The following MTSS2 variants were observed in gnomAD, a reference collection of about 807,000 sequenced individuals.
The protein encoded by MTSS2 is MTSS I-BAR domain containing 2.
A neutral mutation model predicts 67.1 loss-of-function variants in MTSS2; 27 were observed. That is an observed-to-expected ratio of 0.40 (90% confidence interval 0.30 to 0.55). MTSS2 has a LOEUF of 0.55. MTSS2 is among the 20% of genes least tolerant of loss of function. MTSS2 has a pLI of 0.43. For missense variants in MTSS2, 1,171 were observed against 1,067.8 expected, an observed-to-expected ratio of 1.10 and a Z score of -1.35; for synonymous variants, 624 against 468.6, an observed-to-expected ratio of 1.33 and a Z score of -4.28.
chr16:70,674,611 TG>T (rs2053056076), intron 10 of MTSS2, 83 bp from the exon 11 acceptor site: 9 of 1,253,220 alleles, frequency 7.2e-6, no homozygotes, highest in Admixed American at 2.0e-5. Context: ...CAAACGAGGG[TG>T]GGGAAAGAGG....
chr16:70,663,325 T>G lies in MTSS2; in HGVS notation c.*352A>C. On this transcript the variant is annotated 3_prime_UTR_variant, in exon 15 of 15. Coordinates refer to ENST00000338779, the MANE Select transcript of MTSS2 (RefSeq NM_138383.3). ...GGACCAGCCCTGGGAGAGGCCGGGA[T>G]GGTGAAAGGGAGGCCAGCCTGGCCC... The G allele has an allele frequency of 8.5e-5, 23 of 270,408 alleles. No homozygotes were observed. The highest frequency in any genetic ancestry group is 1.2e-3 in the Middle Eastern group (1 of 838). 16.8% of individuals were successfully genotyped at this position (270,408 alleles called of 1,614,324 possible).
intron 12 of MTSS2, 75 bp downstream of exon 12, chr16:70,665,391 A>G: frequency 6.9e-7 from 1 of 1,439,268 alleles, no homozygotes; most frequent in Non-Finnish European, 9.4e-7. Flanking sequence ...TTGTGCAGTA[A>G]TGGCACCAGG....
chr16:70,668,459 G>A (rs1044752348), intron 11 of MTSS2, among the ~76,000 whole-genome samples: 12 of 151,796 alleles, frequency 7.9e-5, no homozygotes, highest in African/African-American at 2.9e-4. Flanking sequence ...TAATTAAGAT[G>A]GTGTGGCATT....
At position 70,661,597 on chromosome 16, in the gene MTSS2, G is replaced by GT; in HGVS notation, c.*2079dup. ...TGGGATGGTTGGCTCGGATCCCGAG[G>GT]TGGGTGGGCCTATGAGGTGGTTGCT... is the stretch of plus-strand genomic sequence containing the variant. On this transcript the variant is annotated 3_prime_UTR_variant, in exon 15 of 15. Coordinates refer to ENST00000338779, the MANE Select transcript of MTSS2 (RefSeq NM_138383.3). 2.8e-6 allele frequency: 1 copy of GT among 353,200 alleles called. No homozygotes were observed. Among genetic ancestry groups the GT allele is most frequent in the South Asian group, 2.2e-5 (1 of 46,184 alleles). 21.9% of individuals were successfully genotyped at this position (353,200 alleles called of 1,614,324 possible).
At chr16:70,665,435 A>C (rs1438646743) in intron 12 of MTSS2, 31 bp downstream of exon 12, 1 of 1,541,210 alleles carries the variant, frequency 6.5e-7, no homozygotes, top group African/African-American at 1.4e-5. Context: ...GCAGCTGGTG[A>C]CTGTCCTGGG....
chr16:70,675,122 A>AG (rs1186566365), intron 10 of MTSS2, among the ~76,000 whole-genome samples: 12 of 150,468 alleles, frequency 8.0e-5, no homozygotes, highest in Non-Finnish European at 1.6e-4. Context: ...AAAAAAAAAA[A>AG]GAAACAAGAA....
rs773012116 is a variant in MTSS2, at chr16:70,679,853, G to A, written c.315C>T (p.Asn105=). 1.9e-6 allele frequency: 3 copies of A among 1,603,916 alleles called. No homozygotes were observed. Among genetic ancestry groups the A allele is most frequent in the Non-Finnish European group, 2.5e-6 (3 of 1,179,406 alleles). ...AGTCCTCGATGCGCTCCTGCAGCGGGTTGATGAGGCTCTCCAGCAGTGCGC... is the reference window on the plus strand; with the variant it reads ...AGTCCTCGATGCGCTCCTGCAGCGGATTGATGAGGCTCTCCAGCAGTGCGC... The part of the protein sequence containing the change: ...FTNALLESLI[N]PLQERIEDWK... Residue 105 remains asparagine (N), a synonymous_variant, in exon 5 of 15, where the codon AAC becomes AAT. Coordinates refer to ENST00000338779, the MANE Select transcript of MTSS2 (RefSeq NM_138383.3).
In MTSS2 at chr16:70,685,830, C is replaced by A. The variant is rs2053441227; in HGVS notation, c.-39G>T. The A allele has an allele frequency of 8.2e-7, 1 of 1,220,718 alleles. No homozygotes were observed. The highest frequency in any genetic ancestry group is 1.0e-6 in the Non-Finnish European group (1 of 962,418). 75.6% of individuals were successfully genotyped at this position (1,220,718 alleles called of 1,614,324 possible). On this transcript the variant is annotated 5_prime_UTR_variant, in exon 1 of 15. Transcript: ENST00000338779. ...CGGGCCGCGGCGGCGGCTAGGCGCACGGAGCGCGGGGAGCAGCGCAAGGGA... is the reference window on the plus strand; with the variant it reads ...CGGGCCGCGGCGGCGGCTAGGCGCAAGGAGCGCGGGGAGCAGCGCAAGGGA...
intron 1 of MTSS2, 37 bp from the exon 2 acceptor site, chr16:70,681,062 G>T (rs755674094): frequency 8.2e-6 from 13 of 1,584,584 alleles, no homozygotes; most frequent in South Asian, 1.2e-5. Flanking sequence ...AGCTTCTTGT[G>T]GGGTGGTTGC....
chr16:70,685,495 C>T (rs1026714681), intron 1 of MTSS2, among the ~76,000 whole-genome samples: 10 of 152,182 alleles, frequency 6.6e-5, no homozygotes, highest in South Asian at 2.1e-4. Flanking sequence ...CAGGACCCCA[C>T]GGGGCCACCG....
chr16:70,663,838 A>T lies in MTSS2; in HGVS notation c.2083T>A (p.Phe695Ile). The change falls in exon 15 of 15, where the codon TTC becomes ATC. Residue 695 changes from phenylalanine (F) to isoleucine (I), a missense_variant. Around this residue, in one of 2 missense-constraint regions of MTSS2, gnomAD observed 924 missense variants for 756.0 expected, o/e 1.22. Coordinates refer to ENST00000338779, the MANE Select transcript of MTSS2 (RefSeq NM_138383.3). ...GGGGTGGCCGACAGAGCAGTGGGGA[A>T]GGGGAACTGGCCCTCACCCAGTGCG... ...AHALGEGQFPFPTALSATPTE... is the reference protein window; with the variant it reads ...AHALGEGQFPIPTALSATPTE... 1 of 1,532,190 alleles carries T rather than the reference A, an allele frequency of 6.5e-7. No homozygotes were observed. Among genetic ancestry groups the T allele is most frequent in the East Asian group, 2.5e-5 (1 of 40,246 alleles). The allele number at this position is 1,532,190 out of a possible 1,614,324, so 94.9% of individuals were successfully genotyped here.
intron 9 of MTSS2, 67 bp downstream of exon 9, chr16:70,677,725 C>T: frequency 1.5e-6 from 2 of 1,293,466 alleles, no homozygotes; most frequent in Non-Finnish European, 2.2e-6. Context: ...CTTTACTGTT[C>T]CCAACCTAGG....
At position 70,663,716 on chromosome 16, in the gene MTSS2, C is replaced by A; in HGVS notation, c.2205G>T (p.Arg735Ser). 2.5e-6 allele frequency: 4 copies of A among 1,586,010 alleles called. No homozygotes were observed. Among genetic ancestry groups the A allele is most frequent in the South Asian group, 1.1e-5 (1 of 87,298 alleles). Residue 735 changes from arginine to serine, a missense_variant, in exon 15 of 15, where the codon AGG becomes AGT. Transcript: ENST00000338779. Reference protein sequence around the residue: ...VAIRRGVRLRRTVTNDRSAPR... With the variant: ...VAIRRGVRLRSTVTNDRSAPR... ...GCGCCGACCTGTCGTTGGTGACGGT[C>A]CTGCGGAGCCGGACCCCACGCCGGA...
chr16:70,665,354 A>G (rs563741516), intron 12 of MTSS2, 112 bp downstream of exon 12: 2 of 1,183,034 alleles, frequency 1.7e-6, no homozygotes, highest in East Asian at 2.6e-5. Context: ...TGCTGTGTGC[A>G]CGCACCCCTG....
chr16:70,661,596 G>A lies in MTSS2; in HGVS notation c.*2081C>T. The A allele has an allele frequency of 2.8e-6, 1 of 353,030 alleles. No homozygotes were observed. The highest frequency in any genetic ancestry group is 5.5e-6 in the Non-Finnish European group (1 of 180,718). 21.9% of individuals were successfully genotyped at this position (353,030 alleles called of 1,614,324 possible). ...GTGGGATGGTTGGCTCGGATCCCGAGGTGGGTGGGCCTATGAGGTGGTTGC... is the reference window on the plus strand; with the variant it reads ...GTGGGATGGTTGGCTCGGATCCCGAAGTGGGTGGGCCTATGAGGTGGTTGC... On this transcript the variant is annotated 3_prime_UTR_variant, in exon 15 of 15. Coordinates refer to ENST00000338779, the MANE Select transcript of MTSS2 (RefSeq NM_138383.3).
Position 70,661,673 on chromosome 16 carries a change from G to C in MTSS2, c.*2004C>G, listed in dbSNP as rs1181553149. 6 of 327,698 alleles carry C rather than the reference G, an allele frequency of 1.8e-5. No homozygotes were observed. Among genetic ancestry groups the C allele is most frequent in the African/African-American group, 4.4e-5 (2 of 45,388 alleles). The allele number at this position is 327,698 out of a possible 1,614,324, so 20.3% of individuals were successfully genotyped here. On this transcript the variant is annotated 3_prime_UTR_variant, in exon 15 of 15. Transcript: ENST00000338779. ...GGTCTCAGGGATGGACAAGGGGATG[G>C]AGTAGAGTATGTACAGCCCCCGGGG...
Position 70,663,360 on chromosome 16 carries a change from G to A in MTSS2, c.*317C>T, listed in dbSNP as rs2052563997. The stretch of plus-strand genomic sequence containing the variant: ...GAGGCCAGCCTGGCCCCTCTGTCAT[G>A]GGCAGCGGCCCTGGCTCTGGTGCTT... On this transcript the variant is annotated 3_prime_UTR_variant, in exon 15 of 15. Transcript: ENST00000338779. The A allele has an allele frequency of 2.6e-6, 1 of 382,804 alleles. No homozygotes were observed. Among genetic ancestry groups the A allele is most frequent in the Non-Finnish European group, 4.7e-6 (1 of 214,320 alleles). The allele number at this position is 382,804 out of a possible 1,614,324, so 23.7% of individuals were successfully genotyped here. A position where few individuals can be genotyped will look rare whatever the true frequency, so the allele number is the denominator to read the frequency against.
intron 7 of MTSS2, 23 bp from the exon 8 acceptor site, chr16:70,678,432 C>A (rs775764518): frequency 6.3e-7 from 1 of 1,594,010 alleles, no homozygotes; most frequent in Non-Finnish European, 8.5e-7. Context: ...GGAGGAGAGG[C>A]CTTGCTGGGG....
chr16:70,685,810 C>A lies in MTSS2; in HGVS notation c.-19G>T. On this transcript the variant is annotated 5_prime_UTR_variant, in exon 1 of 15. Coordinates refer to ENST00000338779, the MANE Select transcript of MTSS2 (RefSeq NM_138383.3). ...TCTCCATGCTCTGGCTGGGCCGGGC[C>A]GCGGCGGCGGCTAGGCGCACGGAGC... 2 of 1,279,150 alleles carry A rather than the reference C, an allele frequency of 1.6e-6. No homozygotes were observed. Among genetic ancestry groups the A allele is most frequent in the South Asian group, 1.6e-5 (1 of 61,832 alleles). The allele number at this position is 1,279,150 out of a possible 1,614,324, so 79.2% of individuals were successfully genotyped here.
Sources: allele counts gnomAD v4.1 joint callset (sites outside exome capture counted in the v4.1 genomes callset), GRCh38; gene constraint gnomAD v4.1.1; regional missense constraint gnomAD v4.1.1; transcripts MANE v1.5; gene names NCBI Gene and HGNC (gene_info 2026-07-23, HGNC 2026-07-21).